The following TTC23 variants were observed in gnomAD, a reference collection of about 807,000 sequenced individuals.
The protein encoded by TTC23 is tetratricopeptide repeat domain 23.
A neutral mutation model predicts 55.1 loss-of-function variants in TTC23; 58 were observed. The observed-to-expected ratio is 1.05, with a 90% CI of 0.85 to 1.31. TTC23 has a LOEUF of 1.31. Among genes scored for constraint, TTC23 ranks in the 50% most tolerant of loss-of-function variants. The probability of loss-of-function intolerance (pLI) is 0.00; values close to 1 mark genes in which losing one functional copy is unlikely to be tolerated. For synonymous variants in TTC23, 203 were observed against 199.9 expected, an observed-to-expected ratio of 1.02 and a Z score of -0.13; for missense variants, 516 against 534.4, an observed-to-expected ratio of 0.97 and a Z score of 0.34.
intron 3 of TTC23, among the ~76,000 whole-genome samples, chr15:99,236,172 A>T (rs952209685): frequency 6.6e-6 from 1 of 152,120 alleles, no homozygotes; most frequent in Non-Finnish European, 1.5e-5. Context: ...AAACTGCTGG[A>T]TCATATGATA....
intron 9 of TTC23, among the ~76,000 whole-genome samples, chr15:99,187,190 C>A (rs1596493198): frequency 6.6e-6 from 1 of 151,558 alleles, no homozygotes; most frequent in Admixed American, 6.6e-5. Flanking sequence ...ACATGGGTCC[C>A]AAAATAATTT....
chr15:99,151,575 G>A (rs192406748), intron 12 of TTC23, among the ~76,000 whole-genome samples: 135 of 152,352 alleles, frequency 8.9e-4, no homozygotes, highest in African/African-American at 3.0e-3. Context: ...CATCCTGCCG[G>A]CGAATCACTG....
At chr15:99,180,817 C>G (rs2074042430) in intron 9 of TTC23, among the ~76,000 whole-genome samples, 2 of 152,192 alleles carry the variant, frequency 1.3e-5, no homozygotes, top group East Asian at 3.8e-4. Context: ...GATCAAGGTA[C>G]ATTTGTGGAC....
intron 9 of TTC23, among the ~76,000 whole-genome samples, chr15:99,192,752 C>T (rs1393111998): frequency 6.6e-6 from 1 of 152,172 alleles, no homozygotes; most frequent in Admixed American, 6.6e-5. Context: ...GAGAAGAGGG[C>T]CACCGTCCTC....
At chr15:99,148,840 C>T (rs1197245975) in intron 12 of TTC23, 1 of 152,244 alleles carries the variant, frequency 6.6e-6, no homozygotes, top group Non-Finnish European at 1.5e-5. Context: ...CCCCTGCAGG[C>T]AGATGCCTTT....
intron 9 of TTC23, among the ~76,000 whole-genome samples, chr15:99,184,673 T>G (rs2074495283): frequency 6.6e-6 from 1 of 152,172 alleles, no homozygotes; most frequent in African/African-American, 2.4e-5. Flanking sequence ...GGAGGGGACT[T>G]GCCTTGTCTC....
rs782561030 is a variant in TTC23, at chr15:99,138,143, G to A, written c.1227-16C>T. On this transcript the variant is annotated splice_polypyrimidine_tract_variant and intron_variant, in intron 13 of 13. Coordinates refer to ENST00000394132, the MANE Select transcript of TTC23 (RefSeq NM_001288615.3). ...CTTGGGGGCCCTGCAGACAAGCAGAGGGTGGGGTGAGTGTGGTGCCCCTCA... is the reference window on the plus strand; with the variant it reads ...CTTGGGGGCCCTGCAGACAAGCAGAAGGTGGGGTGAGTGTGGTGCCCCTCA... 6.2e-7 allele frequency: 1 copy of A among 1,611,644 alleles called. No individual in the cohort carries two copies. Among genetic ancestry groups the A allele is most frequent in the Non-Finnish European group, 8.5e-7 (1 of 1,179,774 alleles).
chr15:99,170,238 G>C (rs553317516), intron 10 of TTC23, among the ~76,000 whole-genome samples: 2 of 152,110 alleles, frequency 1.3e-5, no homozygotes, highest in African/African-American at 4.8e-5. Flanking sequence ...TACAGGGAAG[G>C]CACAGAGCAA....
chr15:99,171,638 C>T lies in TTC23; in HGVS notation c.865+3412G>A, dbSNP rs557284977. Among the ~76,000 whole-genome samples, 6 of 146,852 alleles carry T rather than the reference C, an allele frequency of 4.1e-5. No individual in the cohort carries two copies. The South Asian group carries it at 6.7e-4, about 16-fold the overall frequency. ...AGTGCAGTGGTACAATCTCGGCTCA[C>T]GGCAACCTCTGCCTCCAGGGTTCAA... is the stretch of plus-strand genomic sequence containing the variant. On this transcript the variant is annotated intron_variant, in intron 10 of 13. Transcript: ENST00000394132.
At chr15:99,157,398 G>C (rs2070759220) in intron 11 of TTC23, 1 of 151,970 alleles carries the variant, frequency 6.6e-6, no homozygotes, top group Non-Finnish European at 1.5e-5. Flanking sequence ...TTTTAGTAGA[G>C]ACAGGGTTTC....
intron 5 of TTC23, 126 bp from the exon 6 acceptor site, chr15:99,221,990 GC>G (rs1416919338): frequency 1.4e-5 from 15 of 1,095,598 alleles, no homozygotes; most frequent in Non-Finnish European, 1.7e-5. Context: ...ATTGTTCTAA[GC>G]ACTTGAGATG....
chr15:99,237,513 T>C (rs1244162792), intron 3 of TTC23, among the ~76,000 whole-genome samples: 2 of 152,190 alleles, frequency 1.3e-5, no homozygotes, highest in Non-Finnish European at 2.9e-5. Flanking sequence ...AAAATAGTTA[T>C]GCCGAGTGAA....
chr15:99,154,779 C>T (rs782149788), intron 12 of TTC23, among the ~76,000 whole-genome samples: 11 of 152,070 alleles, frequency 7.2e-5, no homozygotes, highest in Non-Finnish European at 1.5e-4. Context: ...AAAGCACTCA[C>T]GGTAATAGAA....
intron 8 of TTC23, among the ~76,000 whole-genome samples, chr15:99,216,458 C>T (rs983119146): frequency 1.2e-4 from 18 of 151,590 alleles, no homozygotes; most frequent in African/African-American, 4.1e-4. Context: ...AATTAATAAG[C>T]GGGCAATAGA....
At chr15:99,142,123 G>A (rs1050226014) in intron 12 of TTC23, among the ~76,000 whole-genome samples, 6 of 152,128 alleles carry the variant, frequency 3.9e-5, no homozygotes, top group South Asian at 2.1e-4. Context: ...ACTAAGCTCC[G>A]TTGCTCTGAG....
chr15:99,229,589 A>G (rs929953653), intron 4 of TTC23, among the ~76,000 whole-genome samples: 13 of 152,238 alleles, frequency 8.5e-5, no homozygotes, highest in African/African-American at 3.1e-4. Flanking sequence ...ATTACTGAAG[A>G]GGAGAAGGCT....
chr15:99,186,487 T>C (rs944611304), intron 9 of TTC23, among the ~76,000 whole-genome samples: 2 of 152,176 alleles, frequency 1.3e-5, no homozygotes, highest in Non-Finnish European at 2.9e-5. Context: ...AATGAGTGAA[T>C]TCCACTATAA....
chr15:99,218,885 G>C lies in TTC23; in HGVS notation c.455+13C>G, dbSNP rs1027220833. On this transcript the variant is annotated intron_variant, in intron 7 of 13. Transcript: ENST00000394132. ...AGTATTTCTATTTGTAAAAGTTAGA[G>C]GCAAAAGGATACTTTTGAAGGGAGA... The C allele has an allele frequency of 6.2e-7, 1 of 1,608,800 alleles. No homozygotes were observed. The highest frequency in any genetic ancestry group is 8.5e-7 in the Non-Finnish European group (1 of 1,177,332).
chr15:99,237,971 A>G (rs1423008895), intron 3 of TTC23, among the ~76,000 whole-genome samples: 1 of 151,596 alleles, frequency 6.6e-6, no homozygotes, highest in Non-Finnish European at 1.5e-5. Context: ...ATTTTTTATT[A>G]TTATTATTTT....
Sources: allele counts gnomAD v4.1 joint callset (sites outside exome capture counted in the v4.1 genomes callset), GRCh38; gene constraint gnomAD v4.1.1; transcripts MANE v1.5; gene names NCBI Gene and HGNC (gene_info 2026-07-23, HGNC 2026-07-21).